Variants in SUGCT observed in about 807,000 individuals in gnomAD.
SUGCT encodes the protein succinyl-CoA:glutarate CoA-transferase.
A neutral mutation model predicts 55.0 loss-of-function variants in SUGCT; 41 were observed. That is an observed-to-expected ratio of 0.74 (90% confidence interval 0.58 to 0.97). The LOEUF is 0.97. Among genes scored for constraint, SUGCT ranks in the 50% least tolerant of loss-of-function variants. SUGCT has a pLI of 0.00. For synonymous variants in SUGCT, 187 were observed against 200.4 expected (o/e 0.93, Z 0.56); for missense variants, 568 against 547.8 (o/e 1.04, Z -0.37).
the SUGCT span, among the ~76,000 whole-genome samples, chr7:40,937,668 A>G: frequency 1.3e-5 from 2 of 151,748 alleles, no homozygotes; most frequent in East Asian, 3.9e-4. Flanking sequence ...TCTAGCAACA[A>G]TTTTTTTTGT....
intron 12 of SUGCT, among the ~76,000 whole-genome samples, chr7:40,693,654 C>A (rs1196577758): frequency 1.3e-5 from 2 of 152,150 alleles, no homozygotes; most frequent in Admixed American, 6.6e-5. Flanking sequence ...AAGATATAAT[C>A]ATGAAATAAA....
intron 9 of SUGCT, among the ~76,000 whole-genome samples, chr7:40,441,363 G>T (rs1287830861): frequency 6.6e-6 from 1 of 151,992 alleles, no homozygotes; most frequent in Non-Finnish European, 1.5e-5. Flanking sequence ...GCTTTTTAAG[G>T]ATCTTAGTTG....
chr7:40,855,022 CT>C (rs1157211469), intron 13 of SUGCT, among the ~76,000 whole-genome samples: 10 of 129,600 alleles, frequency 7.7e-5, no homozygotes, highest in Admixed American at 5.4e-4. Flanking sequence ...TAATTTTATT[CT>C]TTAAAAAAAA....
intron 6 of SUGCT, chr7:40,217,458 G>A (rs1356105536): frequency 2.5e-5 from 11 of 444,518 alleles, no homozygotes; most frequent in East Asian, 2.3e-4. Flanking sequence ...GCAATCTGCC[G>A]GCTCTGGTCT....
intron 8 of SUGCT, among the ~76,000 whole-genome samples, chr7:40,288,441 A>C (rs1018053864): frequency 6.6e-6 from 1 of 152,198 alleles, no homozygotes; most frequent in Admixed American, 6.5e-5. Flanking sequence ...TAACACAGCA[A>C]GTTAAGATGT....
intron 12 of SUGCT, among the ~76,000 whole-genome samples, chr7:40,742,633 C>A (rs551117648): frequency 6.6e-6 from 1 of 152,134 alleles, no homozygotes; most frequent in Non-Finnish European, 1.5e-5. Context: ...GGCCAAGGAC[C>A]GGTACTGGTT....
At chr7:40,279,112 C>T (rs11764459) in intron 8 of SUGCT, among the ~76,000 whole-genome samples, 2 of 151,270 alleles carry the variant, frequency 1.3e-5, no homozygotes, top group Non-Finnish European at 2.9e-5. Flanking sequence ...GTTGGTATTG[C>T]AGGTGTGAGC....
chr7:41,010,940 C>T, the SUGCT span, among the ~76,000 whole-genome samples: 1 of 152,116 alleles, frequency 6.6e-6, no homozygotes, highest in Non-Finnish European at 1.5e-5. Context: ...AGGCCCACAG[C>T]TGATGTTTGA....
At chr7:40,665,179 C>T (rs928926772) in intron 12 of SUGCT, among the ~76,000 whole-genome samples, 2 of 151,878 alleles carry the variant, frequency 1.3e-5, no homozygotes, top group Non-Finnish European at 2.9e-5. Flanking sequence ...TGGCTCAGGC[C>T]TGTAATCCCA....
intron 12 of SUGCT, among the ~76,000 whole-genome samples, chr7:40,705,153 T>C (rs747714388): frequency 6.6e-6 from 1 of 152,240 alleles, no homozygotes; most frequent in Non-Finnish European, 1.5e-5. Context: ...CTTTTATGCT[T>C]TTATTTAAAA....
At chr7:40,179,825 C>T (rs191002432) in intron 1 of SUGCT, among the ~76,000 whole-genome samples, 5 of 152,306 alleles carry the variant, frequency 3.3e-5, no homozygotes, top group Admixed American at 3.3e-4. Context: ...ACTTATCCTG[C>T]CTCTGCTGGC....
intron 12 of SUGCT, among the ~76,000 whole-genome samples, chr7:40,582,276 G>T (rs1797142236): frequency 6.6e-6 from 1 of 152,156 alleles, no homozygotes; most frequent in Non-Finnish European, 1.5e-5. Context: ...GTACGGTGAA[G>T]TGCATATTTT....
intron 12 of SUGCT, among the ~76,000 whole-genome samples, chr7:40,740,537 A>T (rs1787404527): frequency 6.7e-6 from 1 of 149,814 alleles, no homozygotes; most frequent in Non-Finnish European, 1.5e-5. Context: ...TTTTATTTTT[A>T]TTTTATTTTT....
chr7:40,511,398 G>A (rs538896489), intron 12 of SUGCT, among the ~76,000 whole-genome samples: 6 of 152,242 alleles, frequency 3.9e-5, no homozygotes, highest in South Asian at 4.2e-4. Flanking sequence ...AAGGCTGAAC[G>A]ACATGACACT....
At chr7:40,479,496 T>C (rs1454085778) in intron 11 of SUGCT, among the ~76,000 whole-genome samples, 1 of 152,196 alleles carries the variant, frequency 6.6e-6, no homozygotes, top group Admixed American at 6.5e-5. Context: ...TCTTATATGA[T>C]GAATTACTTA....
intron 12 of SUGCT, among the ~76,000 whole-genome samples, chr7:40,664,336 A>G (rs1801494100): frequency 6.6e-6 from 1 of 152,224 alleles, no homozygotes; most frequent in African/African-American, 2.4e-5. Context: ...AGTGCTTTAC[A>G]GAGCAAGTCA....
At chr7:40,827,085 A>G (rs1323414578) in intron 13 of SUGCT, among the ~76,000 whole-genome samples, 2 of 152,190 alleles carry the variant, frequency 1.3e-5, no homozygotes, top group Admixed American at 1.3e-4. Context: ...ATGAAAAGGA[A>G]TCCTCTGTCA....
chr7:40,415,145 C>T (rs1378742179), intron 9 of SUGCT, among the ~76,000 whole-genome samples: 1 of 150,154 alleles, frequency 6.7e-6, no homozygotes, highest in Admixed American at 6.6e-5. Context: ...GTGGCAGGCC[C>T]CTGTAATCCC....
At chr7:40,677,950 A>T (rs1295749014) in intron 12 of SUGCT, among the ~76,000 whole-genome samples, 1 of 152,122 alleles carries the variant, frequency 6.6e-6, no homozygotes, top group East Asian at 1.9e-4. Context: ...GCTGCTTCCA[A>T]AGTGGCCCAG....
Sources: allele counts gnomAD v4.1 joint callset (sites outside exome capture counted in the v4.1 genomes callset), GRCh38; gene constraint gnomAD v4.1.1; transcripts MANE v1.5; gene names NCBI Gene and HGNC (gene_info 2026-07-23, HGNC 2026-07-21).